The following CD93 variants were observed in gnomAD, a reference collection of about 807,000 sequenced individuals.
CD93 encodes CD93 molecule, also known as complement component C1q receptor.
In CD93, 44 loss-of-function variants were observed where a neutral mutation model predicts 45.5. The observed-to-expected ratio is 0.97, with a 90% CI of 0.76 to 1.24. CD93 has a LOEUF of 1.24. Ranked by LOEUF, CD93 falls within the 50% of genes most tolerant of loss-of-function variation. The pLI is 0.00. For missense variants in CD93, 918 were observed against 844.5 expected (o/e 1.09, Z -1.08); for synonymous variants, 431 against 370.8 (o/e 1.16, Z -1.87).
At position 23,084,540 on chromosome 20, in the gene CD93, G is replaced by A. The variant is rs552455506; in HGVS notation, c.1653C>T (p.His551=). The change falls in exon 1 of 2, where the codon CAC becomes CAT. Residue 551 remains histidine, a synonymous_variant. Transcript: ENST00000246006. ...CCTGGGGGCCAGAGGCAGCTGTGGC[G>A]TGATGGATGCTGGGCTCCCTCCAGA... ...PGVWREPSIH[H]ATAASGPQEP... The A allele has an allele frequency of 1.1e-5, 18 of 1,612,628 alleles. No individual in the cohort carries two copies. Among genetic ancestry groups the A allele is most frequent in the East Asian group, 2.2e-5 (1 of 44,842 alleles).
Position 23,083,979 on chromosome 20 carries a change from G to A in CD93, c.1935-5C>T. On this transcript the variant is annotated splice_polypyrimidine_tract_variant and splice_region_variant and intron_variant, in intron 1 of 1. Coordinates refer to ENST00000246006, the MANE Select transcript of CD93 (RefSeq NM_012072.4). ...CAGTCTGTCCCAGGTGTCGGACTAT[G>A]GGAAACAAAACAGACAGCGTTGGAA... The A allele has an allele frequency of 1.9e-6, 3 of 1,614,074 alleles. No homozygotes were observed. The highest frequency in any genetic ancestry group is 2.5e-6 in the Non-Finnish European group (3 of 1,179,964).
rs1985393129 is a variant in CD93 at position 23,083,836 on chromosome 20, G to C, written c.*114C>G. The C allele has an allele frequency of 2.1e-6, 2 of 945,788 alleles. No individual in the cohort carries two copies. The highest frequency in any genetic ancestry group is 4.8e-5 in the East Asian group (2 of 41,712). The allele number at this position is 945,788 out of a possible 1,614,324, so 58.6% of individuals were successfully genotyped here. On this transcript the variant is annotated 3_prime_UTR_variant, in exon 2 of 2. Transcript: ENST00000246006. ...TTAAGGAGGAGACTTACAATTGTTT[G>C]CTAAGATTCCAGTCCAGTCTTTCAA... is the stretch of plus-strand genomic sequence containing the variant.
rs201828893 is a variant in CD93 at position 23,084,783 on chromosome 20, C to T, written c.1410G>A (p.Gly470=). ...LAPNGVSCTM[G]PVSLGPPSGP... ...CAGATGGTGGTCCCAGAGACACAGG[C>T]CCCATGGTGCAAGAGACCCCATTTG... Residue 470 remains glycine (G), a synonymous_variant, in exon 1 of 2, where the codon GGG becomes GGA. Transcript: ENST00000246006. 40 of 1,613,080 alleles carry T rather than the reference C, an allele frequency of 2.5e-5. No homozygotes were observed. In the East Asian group the frequency reaches 8.5e-4, roughly 34 times the overall value.
rs1371610723 is a variant in CD93, at chr20:23,083,444, G to T, written c.*506C>A. Reference sequence around the variant, plus strand: ...CGAAATGGAGGAATGCAAATGTAAAGAAATGTTTCCAGTCCGAACATGTTC... The same window carrying T: ...CGAAATGGAGGAATGCAAATGTAAATAAATGTTTCCAGTCCGAACATGTTC... On this transcript the variant is annotated 3_prime_UTR_variant, in exon 2 of 2. Coordinates refer to ENST00000246006, the MANE Select transcript of CD93 (RefSeq NM_012072.4). The T allele has an allele frequency of 6.4e-6, 1 of 156,702 alleles. No individual in the cohort carries two copies. Among genetic ancestry groups the T allele is most frequent in the Non-Finnish European group, 1.4e-5 (1 of 70,636 alleles). 9.7% of individuals were successfully genotyped at this position (156,702 alleles called of 1,614,324 possible). A position where few individuals can be genotyped will look rare whatever the true frequency, so the allele number is the denominator to read the frequency against.
chr20:23,084,581 TG>T lies in CD93; in HGVS notation c.1611del (p.Ser538ValfsTer50). 2 of 1,613,352 alleles carry T rather than the reference TG, an allele frequency of 1.2e-6. No individual in the cohort carries two copies. Among genetic ancestry groups the T allele is most frequent in the Non-Finnish European group, 1.7e-6 (2 of 1,179,688 alleles). ...ITSAPLKMLAPSGSPGVWREP... is the reference protein window; with the variant it reads ...ITSAPLKMLAXSGSPGVWREP... ...TCCCTCCAGACGCCTGGGGACCCAC[TG>T]GGGGCCAGCATCTTGAGTGGGGCAG... is the stretch of plus-strand genomic sequence containing the variant. On this transcript the variant is annotated frameshift_variant, in exon 1 of 2. Coordinates refer to ENST00000246006, the MANE Select transcript of CD93 (RefSeq NM_012072.4). LOFTEE classifies it high-confidence loss of function.
rs750669404 is a variant in CD93 at position 23,083,918 on chromosome 20, G to C, written c.*32C>G. On this transcript the variant is annotated 3_prime_UTR_variant, in exon 2 of 2. Coordinates refer to ENST00000246006, the MANE Select transcript of CD93 (RefSeq NM_012072.4). ...TTCAAAGCTCTGAGGATGGTGGCTGGTGACTCTAGTGTCTCTAGGGCCACC... is the reference window on the plus strand; with the variant it reads ...TTCAAAGCTCTGAGGATGGTGGCTGCTGACTCTAGTGTCTCTAGGGCCACC... 1 of 1,610,142 alleles carries C rather than the reference G, an allele frequency of 6.2e-7. No individual in the cohort carries two copies.
In CD93 at chr20:23,085,251, C is replaced by T. The variant is rs116176982; in HGVS notation, c.942G>A (p.Gly314=). The T allele has an allele frequency of 3.1e-6, 5 of 1,612,626 alleles. No homozygotes were observed. In the African/African-American group the frequency reaches 4.0e-5, roughly 13 times the overall value. ...NPCSSSPCRG[G]ATCVLGPHGK... ...CATGGGGTCCCAGGACGCACGTGGC[C>T]CCCCCACGACATGGGCTGGAGCTGC... The change falls in exon 1 of 2, where the codon GGG becomes GGA. Residue 314 remains glycine, a synonymous_variant. Coordinates refer to ENST00000246006, the MANE Select transcript of CD93 (RefSeq NM_012072.4).
rs1985501223 is a variant in CD93, at chr20:23,086,321, A to G, written c.-129T>C. 1.7e-6 allele frequency: 2 copies of G among 1,196,120 alleles called. No individual in the cohort carries two copies. Among genetic ancestry groups the G allele is most frequent in the Admixed American group, 2.9e-5 (1 of 34,704 alleles). 74.1% of individuals were successfully genotyped at this position (1,196,120 alleles called of 1,614,324 possible). A position where few individuals can be genotyped will look rare whatever the true frequency, so the allele number is the denominator to read the frequency against. Reference sequence around the variant, plus strand: ...TGCAGCCACTCCGGCGCAGAGAAGGACACAAAGGCTGAGGGCTTTCCACGT... The same window carrying G: ...TGCAGCCACTCCGGCGCAGAGAAGGGCACAAAGGCTGAGGGCTTTCCACGT... On this transcript the variant is annotated 5_prime_UTR_variant, in exon 1 of 2. Coordinates refer to ENST00000246006, the MANE Select transcript of CD93 (RefSeq NM_012072.4).
chr20:23,085,831 T>TTGCCCCCCC lies in CD93; in HGVS notation c.361_362insGGGGGGGCA (p.Glu121delinsGlyGlyGlyLys). The TTGCCCCCCC allele has an allele frequency of 4.0e-6, 6 of 1,491,264 alleles. No individual in the cohort carries two copies. The highest frequency in any genetic ancestry group is 1.3e-5 in the South Asian group (1 of 75,910). 92.4% of individuals were successfully genotyped at this position (1,491,264 alleles called of 1,614,324 possible). A position where few individuals can be genotyped will look rare whatever the true frequency, so the allele number is the denominator to read the frequency against. On this transcript the variant is annotated protein_altering_variant, in exon 1 of 2. Coordinates refer to ENST00000246006, the MANE Select transcript of CD93 (RefSeq NM_012072.4). ...GTGCCAGTTAGAGTAAGGCGTGTCC[T>TTGCCCCCCC]CCCCCCCGCCCACCCAGCTGAAGCC...
chr20:23,084,504 A>C lies in CD93; in HGVS notation c.1689T>G (p.Gly563=), dbSNP rs764955393. 6 of 1,613,944 alleles carry C rather than the reference A, an allele frequency of 3.7e-6. No individual in the cohort carries two copies. In the Admixed American group the frequency reaches 1.0e-4, roughly 27 times the overall value. ...TAASGPQEPA[G]GDSSVATQNN... is the part of the protein sequence containing the mutation. The stretch of plus-strand genomic sequence containing the variant: ...TTTGTGTGGCCACGGAGGAGTCCCC[A>C]CCTGCAGGCTCCTGGGGGCCAGAGG... The change falls in exon 1 of 2, where the codon GGT becomes GGG. Residue 563 remains glycine, a synonymous_variant. Transcript: ENST00000246006.
In CD93 at chr20:23,081,285, C is replaced by T. The variant is rs41444147; in HGVS notation, c.*2665G>A. ...TAGCAGGTGGCAGGGTGCACCTCTC[C>T]CCATACTGTGACCCTTGGATTCCCC... On this transcript the variant is annotated 3_prime_UTR_variant, in exon 2 of 2. Coordinates refer to ENST00000246006, the MANE Select transcript of CD93 (RefSeq NM_012072.4). 127 of 152,344 alleles carry T rather than the reference C, an allele frequency of 8.3e-4. 1 individual carries two copies. Among genetic ancestry groups the T allele is most frequent in the Admixed American group, 3.9e-3 (59 of 15,296 alleles). The allele number at this position is 152,344 out of a possible 1,614,324, so 9.4% of individuals were successfully genotyped here. A position where few individuals can be genotyped will look rare whatever the true frequency, so the allele number is the denominator to read the frequency against.
chr20:23,084,140 A>C (rs575311304), intron 1 of CD93, 119 bp downstream of exon 1: 2 of 1,428,032 alleles, frequency 1.4e-6, no homozygotes, highest in South Asian at 1.2e-5. Flanking sequence ...AGCTGCAAGG[A>C]CCAGGGTGTG....
Position 23,085,976 on chromosome 20 carries a change from G to A in CD93, c.217C>T (p.Gln73Ter), listed in dbSNP as rs1284904925. The A allele has an allele frequency of 6.2e-7, 1 of 1,610,694 alleles. No individual in the cohort carries two copies. The highest frequency in any genetic ancestry group is 8.5e-7 in the Non-Finnish European group (1 of 1,179,284). Residue 73 changes from glutamine to a stop codon, truncating the protein, a stop_gained, in exon 1 of 2, where the codon CAG becomes TAG. Transcript: ENST00000246006. LOFTEE classifies it high-confidence loss of function. The stretch of plus-strand genomic sequence containing the variant: ...CTCAGGAGCTGGGCCAGTACTCGCT[G>A]GACGTGCTGGGCCTCCTCCTTGCTC... ...VKSKEEAQHV[Q>*]RVLAQLLRRE...
intron 1 of CD93, 49 bp downstream of exon 1, chr20:23,084,210 C>A (rs375179604): frequency 5.7e-6 from 9 of 1,586,860 alleles, no homozygotes; most frequent in Admixed American, 3.4e-5. Context: ...GTAGTCAGTG[C>A]CCCCATGCCT....
At position 23,084,249 on chromosome 20, in the gene CD93, C is replaced by A. The variant is rs756254108; in HGVS notation, c.1934+10G>T. The A allele has an allele frequency of 6.2e-7, 1 of 1,611,928 alleles. No homozygotes were observed. Among genetic ancestry groups the A allele is most frequent in the Admixed American group, 1.7e-5 (1 of 59,922 alleles). ...CATCCCCTCCCCCGGTCACTCAGGG[C>A]CCCCTTTACCTGTACTGGTTCTCCA... On this transcript the variant is annotated intron_variant, in intron 1 of 1. Coordinates refer to ENST00000246006, the MANE Select transcript of CD93 (RefSeq NM_012072.4).
chr20:23,084,332 GCTT>G lies in CD93; in HGVS notation c.1858_1860del (p.Lys620del), dbSNP rs537331087. 1.1e-4 allele frequency: 172 copies of G among 1,614,212 alleles called. No individual in the cohort carries two copies. The African/African-American group carries it at 1.7e-3, about 16-fold the overall frequency. ...GAGTAACTGTCTGCCGCATTCTGGGGCTTCTTCTCCTTCTTCTCCTCCCTCTTC... is the reference window on the plus strand; with the variant it reads ...GAGTAACTGTCTGCCGCATTCTGGGGCTTCTCCTTCTTCTCCTCCCTCTTC... On this transcript the variant is annotated inframe_deletion, in exon 1 of 2. Transcript: ENST00000246006.
chr20:23,085,233 T>A lies in CD93; in HGVS notation c.960A>T (p.Gly320=). 1.9e-6 allele frequency: 3 copies of A among 1,609,772 alleles called. No homozygotes were observed. Among genetic ancestry groups the A allele is most frequent in the Non-Finnish European group, 2.5e-6 (3 of 1,177,836 alleles). ...PCRGGATCVL[G]PHGKNYTCRC... ...GGCACGTGTAGTTTTTCCCATGGGG[T>A]CCCAGGACGCACGTGGCCCCCCCAC... is the stretch of plus-strand genomic sequence containing the variant. Residue 320 remains glycine, a synonymous_variant, in exon 1 of 2, where the codon GGA becomes GGT. Transcript: ENST00000246006.
At position 23,084,620 on chromosome 20, in the gene CD93, C is replaced by A. The variant is rs568089219; in HGVS notation, c.1573G>T (p.Ala525Ser). Residue 525 changes from alanine to serine, a missense_variant, in exon 1 of 2, where the codon GCC becomes TCC. By Grantham distance (99) the Ala-to-Ser change is moderately conservative. Coordinates refer to ENST00000246006, the MANE Select transcript of CD93 (RefSeq NM_012072.4). ...TTSRPSLSSD[A>S]PITSAPLKML... Reference sequence around the variant, plus strand: ...TTGAGTGGGGCAGATGTGATGGGGGCGTCAGATGACAGCGAAGGTCTACTT... The same window carrying A: ...TTGAGTGGGGCAGATGTGATGGGGGAGTCAGATGACAGCGAAGGTCTACTT... 2.6e-5 allele frequency: 41 copies of A among 1,607,104 alleles called. 1 individual carries two copies. In the South Asian group the frequency reaches 4.0e-4, roughly 16 times the overall value.
rs756592827 is a variant in CD93 at position 23,084,523 on chromosome 20, C to A, written c.1670G>T (p.Gly557Val). The change falls in exon 1 of 2, where the codon GGC (glycine) becomes GTC (valine). Residue 557 changes from glycine to valine, a missense_variant. Transcript: ENST00000246006. ...GTCCCCACCTGCAGGCTCCTGGGGGCCAGAGGCAGCTGTGGCGTGATGGAT... is the reference window on the plus strand; with the variant it reads ...GTCCCCACCTGCAGGCTCCTGGGGGACAGAGGCAGCTGTGGCGTGATGGAT... ...PSIHHATAAS[G>V]PQEPAGGDSS... The A allele has an allele frequency of 5.0e-6, 8 of 1,613,836 alleles. No homozygotes were observed. Among genetic ancestry groups the A allele is most frequent in the Non-Finnish European group, 5.9e-6 (7 of 1,180,034 alleles).
Sources: allele counts gnomAD v4.1 joint callset, GRCh38; gene constraint gnomAD v4.1.1; transcripts MANE v1.5; gene names NCBI Gene and HGNC (gene_info 2026-07-23, HGNC 2026-07-21).